BRD1: variants seen among roughly 807,000 people sequenced by gnomAD.
BRD1 encodes the protein bromodomain containing 1, also known as bromodomain-containing protein 1.
A neutral mutation model predicts 107.7 loss-of-function variants in BRD1; 24 were observed. That is an observed-to-expected ratio of 0.22 (90% CI 0.16 to 0.31). The LOEUF (loss-of-function observed/expected upper bound fraction) is 0.31, where lower values mean the gene tolerates loss of function less well. BRD1 is among the 10% of genes least tolerant of loss of function. The pLI, the probability that BRD1 is intolerant of heterozygous loss-of-function variation, is 1.00. For synonymous variants in BRD1, 744 were observed against 686.1 expected (o/e 1.08, Z -1.32); for missense variants, 1,279 against 1,638.6 (o/e 0.78, Z 3.79).
intron 7 of BRD1, among the ~76,000 whole-genome samples, chr22:49,789,050 G>A (rs2059382975): frequency 6.6e-6 from 1 of 152,226 alleles, no homozygotes; most frequent in Non-Finnish European, 1.5e-5. Context: ...GGGCAGCAGT[G>A]CTTTCGGCTG....
At chr22:49,827,327 GCA>G in intron 1 of BRD1, among the ~76,000 whole-genome samples, 168 bp downstream of exon 1, 1 of 150,138 alleles carries the variant, frequency 6.7e-6, no homozygotes, top group African/African-American at 2.4e-5. Flanking sequence ...GGCCTCCCCG[GCA>G]TCCCGGGCTC....
At chr22:49,784,322 G>A (rs79087401) in intron 8 of BRD1, among the ~76,000 whole-genome samples, 11,514 of 149,752 alleles carry the variant, frequency 0.077, 523 homozygotes, top group South Asian at 0.14. Context: ...ACACCCCCAC[G>A]CTCTCACACG....
rs1307819741 is a variant in BRD1 at position 49,774,388 on chromosome 22, G to C, written c.3415C>G (p.Pro1139Ala). ...WQWLPKSKMV[P>A]LGIDETIDKL... ...TCTATAGTTTCGTCAATACCAAGGG[G>C]AACCATTTTGGACTTAGGAAGCCAC... Residue 1139 changes from proline (P) to alanine (A), a missense_variant, in exon 13 of 13, where the codon CCC becomes GCC. Physicochemically the swap from Pro to Ala is conservative, Grantham distance 27. Around this residue, in one of 7 missense-constraint regions of BRD1, gnomAD observed 136 missense variants for 196.8 expected, o/e 0.69. Transcript: ENST00000404760. 4 of 1,610,932 alleles carry C rather than the reference G, an allele frequency of 2.5e-6. No individual in the cohort carries two copies. The highest frequency in any genetic ancestry group is 2.5e-6 in the Non-Finnish European group (3 of 1,178,390).
Position 49,787,616 on chromosome 22 carries a change from T to C in BRD1, c.2631A>G (p.Val877=), listed in dbSNP as rs1245356676. ...ASAVAEPASD[V]NRRTSVLFCK... ...AGAAGAGAACAGAAGTGCGTCTGTTTACATCGCTTGCTGGCTCCGCCACCG... is the reference window on the plus strand; with the variant it reads ...AGAAGAGAACAGAAGTGCGTCTGTTCACATCGCTTGCTGGCTCCGCCACCG... The change falls in exon 8 of 13, where the codon GTA becomes GTG. Residue 877 remains valine (V), a synonymous_variant. Coordinates refer to ENST00000404760, the MANE Select transcript of BRD1 (RefSeq NM_001304808.3). 5.2e-6 allele frequency: 8 copies of C among 1,551,914 alleles called. No homozygotes were observed. The highest frequency in any genetic ancestry group is 3.9e-5 in the Admixed American group (2 of 51,116).
chr22:49,814,004 G>A (rs1404314583), intron 2 of BRD1, among the ~76,000 whole-genome samples: 1 of 152,044 alleles, frequency 6.6e-6, no homozygotes, highest in Admixed American at 6.6e-5. Context: ...TCAGACAATA[G>A]AAAATTCAGG....
intron 4 of BRD1, 86 bp from the exon 5 acceptor site, chr22:49,798,772 C>G: frequency 6.8e-7 from 1 of 1,464,290 alleles, no homozygotes. Context: ...CAAGCAGCCC[C>G]CACAGGCTCC....
rs372347669 is a variant in BRD1 at position 49,812,893 on chromosome 22, G to C, written c.1368-8533C>G. Among the ~76,000 whole-genome samples, 7 of 152,248 alleles carry C rather than the reference G, an allele frequency of 4.6e-5. No homozygotes were observed. The East Asian group carries it at 1.4e-3, about 29-fold the overall frequency. ...GCCCACTGTACACGGACGCACCAAG[G>C]ACCTCACACGCCAGGACCATTCTGG... is the stretch of plus-strand genomic sequence containing the variant. On this transcript the variant is annotated intron_variant, in intron 2 of 12. Transcript: ENST00000404760.
chr22:49,786,656 G>A (rs1381908696), intron 8 of BRD1, among the ~76,000 whole-genome samples: 1 of 152,158 alleles, frequency 6.6e-6, no homozygotes, highest in Non-Finnish European at 1.5e-5. Flanking sequence ...TCAACCCCAG[G>A]TCCTAGGTCT....
rs2147107452 is a variant in BRD1 at position 49,794,105 on chromosome 22, A to G, written c.2288T>C (p.Leu763Pro). The change falls in exon 7 of 13, where the codon CTG (leucine) becomes CCG (proline). Residue 763 changes from leucine (L) to proline (P), a missense_variant. Around this residue, in one of 7 missense-constraint regions of BRD1, gnomAD observed 406 missense variants for 519.4 expected, o/e 0.78. Transcript: ENST00000404760. ...NKLSQQHSQP[L>P]PTGPGLEGFE... is the part of the protein sequence containing the mutation. ...GCCTTCCAAGCCTGGCCCCGTGGGC[A>G]GGGGCTGGCTGTGCTGCTGGCTCAG... 1 of 1,614,208 alleles carries G rather than the reference A, an allele frequency of 6.2e-7. No homozygotes were observed. The highest frequency in any genetic ancestry group is 8.5e-7 in the Non-Finnish European group (1 of 1,180,040).
At chr22:49,825,188 G>A (rs1403143436) in intron 1 of BRD1, among the ~76,000 whole-genome samples, 1 of 152,118 alleles carries the variant, frequency 6.6e-6, no homozygotes, top group Non-Finnish European at 1.5e-5. Flanking sequence ...TCCTTTCTGA[G>A]AGAATCCAGA....
chr22:49,811,267 G>C (rs373986240), intron 2 of BRD1, among the ~76,000 whole-genome samples: 108 of 152,298 alleles, frequency 7.1e-4, no homozygotes, highest in African/African-American at 2.5e-3. Context: ...GGGAAGTTGG[G>C]GTAATGGCTA....
intron 7 of BRD1, among the ~76,000 whole-genome samples, chr22:49,789,334 G>C (rs1205826494): frequency 1.3e-5 from 2 of 152,186 alleles, no homozygotes; most frequent in Non-Finnish European, 2.9e-5. Flanking sequence ...ATGCGGAGAA[G>C]GGCTGCTGAA....
intron 8 of BRD1, among the ~76,000 whole-genome samples, chr22:49,785,439 G>A (rs922897332): frequency 2.0e-5 from 3 of 152,236 alleles, no homozygotes; most frequent in African/African-American, 4.8e-5. Flanking sequence ...CAGAGGGGAC[G>A]CCCACAATTA....
Position 49,798,110 on chromosome 22 carries a change from T to C in BRD1, c.1793A>G (p.Asp598Gly), listed in dbSNP as rs1379058694. The part of the protein sequence containing the change: ...AQPVSLKEVP[D>G]YLDHIKHPMD... ...GGGATGTTTAATGTGATCCAAATAA[T>C]CTGGTACCTAATTTTAGGGAGGAAA... Residue 598 changes from aspartate (D) to glycine (G), a missense_variant, in exon 6 of 13, where the codon GAT (aspartate) becomes GGT (glycine). Around this residue, in one of 7 missense-constraint regions of BRD1, gnomAD observed 406 missense variants for 519.4 expected, o/e 0.78. Coordinates refer to ENST00000404760, the MANE Select transcript of BRD1 (RefSeq NM_001304808.3). 1 of 1,599,486 alleles carries C rather than the reference T, an allele frequency of 6.3e-7. No homozygotes were observed. Among genetic ancestry groups the C allele is most frequent in the South Asian group, 1.1e-5 (1 of 89,992 alleles).
rs541198381 is a variant in BRD1, at chr22:49,784,776, G to A, written c.2857+2614C>T. On this transcript the variant is annotated intron_variant, in intron 8 of 12. Coordinates refer to ENST00000404760, the MANE Select transcript of BRD1 (RefSeq NM_001304808.3). Reference sequence around the variant, plus strand: ...GAAGGTTCCGGTGAAACCAAAGCGAGGGCGGATGGCGGGACTGGCACCATT... The same window carrying A: ...GAAGGTTCCGGTGAAACCAAAGCGAAGGCGGATGGCGGGACTGGCACCATT... Among the ~76,000 whole-genome samples the A allele has an allele frequency of 1.1e-3, 172 of 152,336 alleles. 1 individual carries two copies. The highest frequency in any genetic ancestry group is 2.1e-3 in the Non-Finnish European group (144 of 68,028).
intron 2 of BRD1, among the ~76,000 whole-genome samples, chr22:49,816,060 C>T (rs891760522): frequency 3.3e-5 from 5 of 152,214 alleles, no homozygotes; most frequent in African/African-American, 7.2e-5. Context: ...CCACACCGCC[C>T]GGGAGGTACC....
intron 2 of BRD1, among the ~76,000 whole-genome samples, chr22:49,816,918 TG>T (rs2059964163): frequency 6.6e-6 from 1 of 152,168 alleles, no homozygotes; most frequent in Admixed American, 6.5e-5. Context: ...ATATACCACC[TG>T]TGGGTGACCT....
intron 7 of BRD1, 98 bp from the exon 8 acceptor site, chr22:49,787,985 C>G: frequency 8.4e-7 from 1 of 1,188,504 alleles, no homozygotes; most frequent in Non-Finnish European, 1.1e-6. Flanking sequence ...AATACTAATT[C>G]AGTTAAGGAA....
In BRD1 at chr22:49,822,454, T is replaced by C. The variant is rs201259154; in HGVS notation, c.1367+497A>G. Among the ~76,000 whole-genome samples the C allele has an allele frequency of 6.0e-5, 9 of 149,992 alleles. No individual in the cohort carries two copies. In the East Asian group the frequency reaches 1.8e-3, roughly 30 times the overall value. On this transcript the variant is annotated intron_variant, in intron 2 of 12. Transcript: ENST00000404760. Reference sequence around the variant, plus strand: ...AAAAAAGGCTGAGCAAGTGCTGTAATTCCAGCACTTTGGGAAGCCAAGGCG... The same window carrying C: ...AAAAAAGGCTGAGCAAGTGCTGTAACTCCAGCACTTTGGGAAGCCAAGGCG...
Sources: allele counts gnomAD v4.1 joint callset (sites outside exome capture counted in the v4.1 genomes callset), GRCh38; gene constraint gnomAD v4.1.1; regional missense constraint gnomAD v4.1.1; transcripts MANE v1.5; gene names NCBI Gene and HGNC (gene_info 2026-07-23, HGNC 2026-07-21).